The following RPTOR variants were observed in gnomAD, a reference collection of about 807,000 sequenced individuals.
The protein encoded by RPTOR is regulatory associated protein of MTOR complex 1.
In RPTOR, 21 loss-of-function variants were observed where a neutral mutation model predicts 169.9. The ratio of observed to expected loss-of-function variants is 0.12; its 90% CI spans 0.09 to 0.18. The LOEUF is 0.18. Among genes scored for constraint, RPTOR ranks in the 10% least tolerant of loss-of-function variants. The pLI is 1.00. For missense variants in RPTOR, 1,133 were observed against 1,855.9 expected (o/e 0.61, Z 7.16); for synonymous variants, 732 against 753.2 (o/e 0.97, Z 0.46).
intron 6 of RPTOR, among the ~76,000 whole-genome samples, chr17:80,770,467 G>C (rs1283975580): frequency 6.6e-6 from 1 of 152,202 alleles, no homozygotes; most frequent in Non-Finnish European, 1.5e-5. Context: ...TGGGGACACA[G>C]AGGAGCAAAT....
chr17:80,707,924 G>T lies in RPTOR; in HGVS notation c.432G>T (p.Glu144Asp). 1 of 1,614,052 alleles carries T rather than the reference G, an allele frequency of 6.2e-7. No individual in the cohort carries two copies. Among genetic ancestry groups the T allele is most frequent in the Non-Finnish European group, 8.5e-7 (1 of 1,179,992 alleles). The stretch of plus-strand genomic sequence containing the variant: ...CCTTACGTCGCAACGCCAAGGAGGA[G>T]CGAGTCCTCTTTCACTACAATGGCC... ...CTSLRRNAKE[E>D]RVLFHYNGHG... The change falls in exon 4 of 34, where the codon GAG (glutamate) becomes GAT (aspartate). Residue 144 changes from glutamate to aspartate, a missense_variant. Around this residue, in one of 9 missense-constraint regions of RPTOR, gnomAD observed 74 missense variants for 168.3 expected, o/e 0.44. Coordinates refer to ENST00000306801, the MANE Select transcript of RPTOR (RefSeq NM_020761.3). The surrounding 1 kb of genome is among the most constrained non-coding windows in gnomAD (Gnocchi z 5.0).
At chr17:80,570,517 A>G (rs749549758) in intron 1 of RPTOR, among the ~76,000 whole-genome samples, 25 of 151,868 alleles carry the variant, frequency 1.6e-4, no homozygotes, top group South Asian at 4.2e-4. Context: ...CTGGAGTGCA[A>G]TGGTGCAGTC....
chr17:80,549,914 C>G (rs2084324411), intron 1 of RPTOR, among the ~76,000 whole-genome samples: 1 of 152,204 alleles, frequency 6.6e-6, no homozygotes, highest in Non-Finnish European at 1.5e-5. Context: ...CATCCTATGT[C>G]TACATGTGTA....
intron 4 of RPTOR, among the ~76,000 whole-genome samples, chr17:80,715,463 G>T (rs925445168): frequency 6.6e-6 from 1 of 152,124 alleles, no homozygotes; most frequent in Admixed American, 6.6e-5. Context: ...GTGAGGCCAG[G>T]GGCTTTTTAT....
intron 2 of RPTOR, among the ~76,000 whole-genome samples, chr17:80,629,244 C>T (rs1001230481): frequency 3.9e-5 from 6 of 151,996 alleles, no homozygotes; most frequent in African/African-American, 1.5e-4. Flanking sequence ...TCTCTGTCTT[C>T]TGGGACTCAG....
At chr17:80,606,540 T>C (rs905279600) in intron 1 of RPTOR, among the ~76,000 whole-genome samples, 4 of 152,184 alleles carry the variant, frequency 2.6e-5, no homozygotes, top group Admixed American at 1.3e-4. Context: ...TTTAAAGTGA[T>C]TGACAGTTTT....
intron 20 of RPTOR, among the ~76,000 whole-genome samples, chr17:80,894,385 A>G (rs7219554): frequency 0.38 from 58,075 of 152,092 alleles, 14,611 homozygotes; most frequent in African/African-American, 0.72. Context: ...GGGGGCTGTC[A>G]TCCCCGCCCT....
At chr17:80,616,298 CTTTTTTTTT>C (rs201229448) in intron 1 of RPTOR, among the ~76,000 whole-genome samples, 22,326 of 113,516 alleles carry the variant, frequency 0.2, 2,318 homozygotes, top group Middle Eastern at 0.34. Context: ...AATTGAAAAT[CTTTTTTTTT>C]TTTTTTTTTT....
intron 4 of RPTOR, among the ~76,000 whole-genome samples, chr17:80,717,918 A>C (rs1383968845): frequency 6.6e-6 from 1 of 152,200 alleles, no homozygotes; most frequent in Non-Finnish European, 1.5e-5. Flanking sequence ...CACGTAGCGG[A>C]ACGTTTATCG....
intron 1 of RPTOR, among the ~76,000 whole-genome samples, chr17:80,550,009 C>T (rs961182137): frequency 1.2e-4 from 18 of 152,368 alleles, no homozygotes; most frequent in African/African-American, 3.8e-4. Context: ...ATACTTTGCC[C>T]AGGTCATGGA....
intron 1 of RPTOR, among the ~76,000 whole-genome samples, chr17:80,612,854 T>C (rs1393659422): frequency 6.6e-6 from 1 of 152,198 alleles, no homozygotes; most frequent in African/African-American, 2.4e-5. Context: ...GGAGGCAGAA[T>C]GAGACTTTGT....
chr17:80,781,777 C>T (rs1029299222), intron 6 of RPTOR, among the ~76,000 whole-genome samples: 2 of 152,196 alleles, frequency 1.3e-5, no homozygotes, highest in East Asian at 1.9e-4. Context: ...TTAATGTCTG[C>T]GTTATTCCAG....
chr17:80,910,299 G>A (rs528036033), intron 21 of RPTOR, among the ~76,000 whole-genome samples: 5 of 152,294 alleles, frequency 3.3e-5, no homozygotes, highest in Middle Eastern at 3.4e-3. Flanking sequence ...TCACAAGCCC[G>A]TGACACCCAG....
At chr17:80,812,008 G>A (rs1432275493) in intron 7 of RPTOR, among the ~76,000 whole-genome samples, 3 of 151,528 alleles carry the variant, frequency 2.0e-5, no homozygotes, top group African/African-American at 7.3e-5. Flanking sequence ...CGACCTCACT[G>A]TACCCACGGG....
chr17:80,857,718 C>T lies in RPTOR; in HGVS notation c.1399-72C>T, dbSNP rs966791102. 2.0e-5 allele frequency: 21 copies of T among 1,028,506 alleles called. No homozygotes were observed. The African/African-American group carries it at 2.2e-4, about 11-fold the overall frequency. The allele number at this position is 1,028,506 out of a possible 1,614,324, so 63.7% of individuals were successfully genotyped here. A position where few individuals can be genotyped will look rare whatever the true frequency, so the allele number is the denominator to read the frequency against. On this transcript the variant is annotated intron_variant, in intron 12 of 33. Transcript: ENST00000306801. The stretch of plus-strand genomic sequence containing the variant: ...CTGAAGATAGCACCGCAGCTGGTCC[C>T]GCGTGGCACCCCTGCTGCTGCCCGT...
At chr17:80,765,601 G>A (rs761531192) in intron 6 of RPTOR, among the ~76,000 whole-genome samples, 2 of 152,136 alleles carry the variant, frequency 1.3e-5, no homozygotes, top group African/African-American at 2.4e-5. Flanking sequence ...AGAGTAGCTG[G>A]TGGAGTCAGG....
At chr17:80,668,485 G>A (rs772464500) in intron 3 of RPTOR, among the ~76,000 whole-genome samples, 1 of 152,112 alleles carries the variant, frequency 6.6e-6, no homozygotes, top group African/African-American at 2.4e-5. Flanking sequence ...TCCCAGAGTC[G>A]GCCATGGCCA....
At chr17:80,835,631 C>T (rs78060737) in intron 9 of RPTOR, among the ~76,000 whole-genome samples, 2,142 of 152,320 alleles carry the variant, frequency 0.014, 40 homozygotes, top group Middle Eastern at 0.044. Flanking sequence ...GTTCCCCTCC[C>T]GACCTTGCGG....
intron 1 of RPTOR, among the ~76,000 whole-genome samples, chr17:80,617,294 A>T (rs2065319033): frequency 6.6e-6 from 1 of 152,206 alleles, no homozygotes; most frequent in East Asian, 1.9e-4. Flanking sequence ...ATGTTTGAGC[A>T]TGTCCTGTGC....
Sources: allele counts gnomAD v4.1 joint callset (sites outside exome capture counted in the v4.1 genomes callset), GRCh38; gene constraint gnomAD v4.1.1; regional missense constraint gnomAD v4.1.1; non-coding constraint Gnocchi (gnomAD v3.1); transcripts MANE v1.5; gene names NCBI Gene and HGNC (gene_info 2026-07-23, HGNC 2026-07-21).